Variants in ARMC3 observed in about 807,000 individuals in gnomAD.
ARMC3 encodes armadillo repeat containing 3, also known as armadillo repeat-containing protein 3.
In ARMC3, 74 loss-of-function variants were observed where a neutral mutation model predicts 90.3. The ratio of observed to expected loss-of-function variants is 0.82; its 90% CI spans 0.68 to 0.99. ARMC3 has a LOEUF of 0.99. Ranked by LOEUF, ARMC3 falls within the 50% of genes least tolerant of loss-of-function variation. The pLI is 0.00. For synonymous variants in ARMC3, 334 were observed against 361.8 expected, an observed-to-expected ratio of 0.92 and a Z score of 0.87; for missense variants, 958 against 1,042.8, an observed-to-expected ratio of 0.92 and a Z score of 1.12.
intron 16 of ARMC3, chr10:23,014,352 G>C: frequency 4.5e-6 from 6 of 1,331,384 alleles, no homozygotes; most frequent in Non-Finnish European, 5.8e-6. Flanking sequence ...CTTAGCCTTT[G>C]GTCCATTGAG....
chr10:22,937,504 G>A (rs1391331818), intron 2 of ARMC3, among the ~76,000 whole-genome samples: 1 of 152,154 alleles, frequency 6.6e-6, no homozygotes, highest in East Asian at 1.9e-4. Flanking sequence ...TGGGACATGA[G>A]GGGAAGTGCC....
In ARMC3 at chr10:22,998,244, C is replaced by T; in HGVS notation, c.1272C>T (p.Asn424=). 1 of 1,612,728 alleles carries T rather than the reference C, an allele frequency of 6.2e-7. No homozygotes were observed. Among genetic ancestry groups the T allele is most frequent in the Non-Finnish European group, 8.5e-7 (1 of 1,179,282 alleles). The change falls in exon 11 of 19, where the codon AAC becomes AAT. Residue 424 remains asparagine, a synonymous_variant. Transcript: ENST00000298032. The part of the protein sequence containing the change: ...AIANAATVLT[N]MAMQEPLRLN... ...CCAACGCTGCTACAGTATTAACAAA[C>T]ATGGCCATGCAGGAGCCCCTGCGCC... is the stretch of plus-strand genomic sequence containing the variant.
At chr10:22,959,946 A>G in intron 6 of ARMC3, 1 of 408,438 alleles carries the variant, frequency 2.4e-6, no homozygotes, top group South Asian at 1.8e-5. Context: ...TACCCTATTC[A>G]ATGTACTGAG....
At chr10:22,997,871 CTA>C (rs1338074842) in intron 10 of ARMC3, among the ~76,000 whole-genome samples, 1 of 151,948 alleles carries the variant, frequency 6.6e-6, no homozygotes, top group Non-Finnish European at 1.5e-5. Flanking sequence ...TAGTAGTCGT[CTA>C]TTTCTGAGGT....
intron 7 of ARMC3, among the ~76,000 whole-genome samples, chr10:22,963,887 T>A (rs553601135): frequency 0.026 from 892 of 34,002 alleles, 72 homozygotes; most frequent in African/African-American, 0.067. Context: ...AGACTCTGTC[T>A]CACACACACA....
At chr10:22,944,131 C>G (rs552247337) in intron 2 of ARMC3, among the ~76,000 whole-genome samples, 2 of 152,026 alleles carry the variant, frequency 1.3e-5, no homozygotes, top group African/African-American at 2.4e-5. Flanking sequence ...AGTTTGTGAA[C>G]GCCTGAACAT....
In ARMC3 at chr10:22,981,411, G is replaced by T. The variant is rs535847291; in HGVS notation, c.988G>T (p.Asp330Tyr). The stretch of plus-strand genomic sequence containing the variant: ...TGTAGCCCTTTTGGGTTCTGAAAAT[G>T]ATGGAACTAAAATTGCTGCTTCCCA... The part of the protein sequence containing the change: ...CLVALLGSEN[D>Y]GTKIAASQAI... Residue 330 changes from aspartate (D) to tyrosine (Y), a missense_variant, in exon 9 of 19, where the codon GAT becomes TAT. Transcript: ENST00000298032. 6.2e-7 allele frequency: 1 copy of T among 1,614,026 alleles called. No individual in the cohort carries two copies. The highest frequency in any genetic ancestry group is 8.5e-7 in the Non-Finnish European group (1 of 1,179,992).
In ARMC3 at chr10:23,008,371, A is replaced by G. The variant is rs777062172; in HGVS notation, c.1925A>G (p.Asn642Ser). ...TTAAGAAGATCAAGTAAAGAAAAGAACAAGTAAGAAAATGATGTTTTATCT... is the reference window on the plus strand; with the variant it reads ...TTAAGAAGATCAAGTAAAGAAAAGAGCAAGTAAGAAAATGATGTTTTATCT... ...SSLRRSSKEK[N>S]KKNSYHFSAG... Residue 642 changes from asparagine (N) to serine (S), a missense_variant, in exon 15 of 19, where the codon AAC becomes AGC. Transcript: ENST00000298032. The G allele has an allele frequency of 9.8e-6, 14 of 1,427,912 alleles. No individual in the cohort carries two copies. The highest frequency in any genetic ancestry group is 2.5e-5 in the South Asian group (2 of 78,652). The allele number at this position is 1,427,912 out of a possible 1,614,324, so 88.5% of individuals were successfully genotyped here.
chr10:22,936,704 ACT>A (rs921255213), intron 2 of ARMC3, among the ~76,000 whole-genome samples: 46 of 152,130 alleles, frequency 3.0e-4, no homozygotes, highest in African/African-American at 1.1e-3. Flanking sequence ...GTCATGTGGC[ACT>A]CTGTTATAGC....
chr10:22,933,783 G>A (rs979735375), intron 2 of ARMC3, among the ~76,000 whole-genome samples: 1 of 152,174 alleles, frequency 6.6e-6, no homozygotes, highest in Non-Finnish European at 1.5e-5. Context: ...TACTCGGGAG[G>A]CTGAAGTAGG....
chr10:22,986,424 T>G (rs112771307), intron 10 of ARMC3, among the ~76,000 whole-genome samples: 1,812 of 151,678 alleles, frequency 0.012, 28 homozygotes, highest in African/African-American at 0.041. Flanking sequence ...TGGTGGTGCA[T>G]ATCTGTAATC....
intron 17 of ARMC3, chr10:23,031,323 G>A (rs11013263): frequency 0.075 from 11,630 of 154,380 alleles, 493 homozygotes; most frequent in African/African-American, 0.09. Context: ...CAGTGAAGTC[G>A]TCTTCTTCAT....
At chr10:22,992,363 CCTG>C (rs1384677632) in intron 10 of ARMC3, among the ~76,000 whole-genome samples, 2 of 152,124 alleles carry the variant, frequency 1.3e-5, no homozygotes, top group Non-Finnish European at 2.9e-5. Context: ...CAAAATGAAA[CCTG>C]CTAAGGTGCA....
At chr10:23,024,788 A>G (rs1054038088) in intron 16 of ARMC3, among the ~76,000 whole-genome samples, 3 of 152,240 alleles carry the variant, frequency 2.0e-5, no homozygotes, top group Non-Finnish European at 2.9e-5. Flanking sequence ...ATAAAAACCA[A>G]TTGAAAGACA....
At position 23,027,830 on chromosome 10, in the gene ARMC3, C is replaced by A. The variant is rs142107292; in HGVS notation, c.2046-2766C>A. On this transcript the variant is annotated intron_variant, in intron 16 of 18. Transcript: ENST00000298032. Reference sequence around the variant, plus strand: ...GTACCACAGGTCCCTGAGTGTCTGTCAACTGTTTTTTTCAATCTTTTGTTT... The same window carrying A: ...GTACCACAGGTCCCTGAGTGTCTGTAAACTGTTTTTTTCAATCTTTTGTTT... 9.9e-3 allele frequency among the ~76,000 whole-genome samples: 1,491 copies of A among 150,520 alleles called. 25 individuals carry two copies. The highest frequency in any genetic ancestry group is 0.035 in the African/African-American group (1,440 of 40,842).
At chr10:23,030,466 A>C (rs1838878955) in intron 16 of ARMC3, 130 bp from the exon 17 acceptor site, 2 of 1,432,876 alleles carry the variant, frequency 1.4e-6, no homozygotes, top group African/African-American at 2.9e-5. Context: ...GGATCCACAC[A>C]GTTCAATCTC....
intron 3 of ARMC3, among the ~76,000 whole-genome samples, chr10:22,949,778 G>T (rs778581227): frequency 1.3e-5 from 2 of 152,002 alleles, no homozygotes; most frequent in African/African-American, 2.4e-5. Context: ...CAAGTGCAAA[G>T]AATATGAAAT....
Position 22,998,122 on chromosome 10 carries a change from C to T in ARMC3, c.1176-26C>T, listed in dbSNP as rs11013230. On this transcript the variant is annotated intron_variant, in intron 10 of 18. Coordinates refer to ENST00000298032, the MANE Select transcript of ARMC3 (RefSeq NM_173081.5). ...TAATTTTTTGAATTCAGATGAATCA[C>T]ATTCATTTCTCTTTCATTTACTCAG... 4.2e-3 allele frequency: 6,790 copies of T among 1,606,604 alleles called. 259 individuals are homozygous for T. The African/African-American group carries it at 0.078, about 19-fold the overall frequency.
chr10:22,964,517 G>A (rs1835365974), intron 7 of ARMC3, among the ~76,000 whole-genome samples: 1 of 149,648 alleles, frequency 6.7e-6, no homozygotes, highest in African/African-American at 2.5e-5. Flanking sequence ...TCTGCTCACT[G>A]CAATTTCTGC....
Sources: allele counts gnomAD v4.1 joint callset (sites outside exome capture counted in the v4.1 genomes callset), GRCh38; gene constraint gnomAD v4.1.1; transcripts MANE v1.5; gene names NCBI Gene and HGNC (gene_info 2026-07-23, HGNC 2026-07-21).